The following MNS1 variants were observed in gnomAD, a reference collection of about 807,000 sequenced individuals.
MNS1 encodes the protein meiosis specific nuclear structural 1.
MNS1 carries 63 observed loss-of-function variants against 72.0 expected under a neutral mutation model. The ratio of observed to expected loss-of-function variants is 0.87; its 90% CI spans 0.71 to 1.08. MNS1 has a LOEUF of 1.08. MNS1 is among the 50% of genes least tolerant of loss of function. The pLI, the probability that MNS1 is intolerant of heterozygous loss-of-function variation, is 0.00. For missense variants in MNS1, 604 were observed against 562.4 expected (o/e 1.07, Z -0.75); for synonymous variants, 188 against 172.1 (o/e 1.09, Z -0.72).
chr15:56,430,290 T>C (rs1596248574), intron 9 of MNS1, among the ~76,000 whole-genome samples: 1 of 152,298 alleles, frequency 6.6e-6, no homozygotes, highest in African/African-American at 2.4e-5. Flanking sequence ...CACTGCAGCT[T>C]CAACTTTCCA....
rs542283201 is a variant in MNS1 at position 56,465,025 on chromosome 15, C to T, written c.-53G>A. The T allele has an allele frequency of 1.8e-4, 283 of 1,594,734 alleles. No individual in the cohort carries two copies. Among genetic ancestry groups the T allele is most frequent in the African/African-American group, 4.5e-4 (33 of 73,874 alleles). ...GTGGGACCGCGGCCACCACCTCCCGCCGCAAACGCAGCAGCCAGCAGCCCC... is the reference window on the plus strand; with the variant it reads ...GTGGGACCGCGGCCACCACCTCCCGTCGCAAACGCAGCAGCCAGCAGCCCC... On this transcript the variant is annotated 5_prime_UTR_variant, in exon 1 of 10. Transcript: ENST00000260453.
At chr15:56,430,208 T>C (rs2050541869) in intron 9 of MNS1, 1 of 152,174 alleles carries the variant, frequency 6.6e-6, no homozygotes, top group Admixed American at 6.6e-5. Context: ...ATGAAACTGT[T>C]ATTACTTTTT....
chr15:56,432,318 G>A (rs2050617941), intron 8 of MNS1, among the ~76,000 whole-genome samples: 1 of 152,122 alleles, frequency 6.6e-6, no homozygotes, highest in Admixed American at 6.5e-5. Context: ...ATCCATTTAG[G>A]ACAAATTCTG....
At chr15:56,431,971 TTAAA>T (rs1372809190) in intron 8 of MNS1, among the ~76,000 whole-genome samples, 2 of 152,160 alleles carry the variant, frequency 1.3e-5, no homozygotes, top group African/African-American at 4.8e-5. Flanking sequence ...GTGCTCACTC[TTAAA>T]TAATCACATC....
intron 7 of MNS1, among the ~76,000 whole-genome samples, chr15:56,435,204 A>G (rs900084526): frequency 6.6e-6 from 1 of 152,026 alleles, no homozygotes; most frequent in Admixed American, 6.6e-5. Context: ...TATATATAGC[A>G]CTAAATGCAT....
At chr15:56,463,763 C>A (rs2051038201) in intron 2 of MNS1, 2 of 359,636 alleles carry the variant, frequency 5.6e-6, no homozygotes, top group Non-Finnish European at 9.9e-6. Flanking sequence ...ACCTGGGCGA[C>A]AGAGCAAGAC....
rs142607414 is a variant in MNS1, at chr15:56,455,635, G to A, written c.353+759C>T. Among the ~76,000 whole-genome samples, 239 of 152,240 alleles carry A rather than the reference G, an allele frequency of 1.6e-3. 2 individuals are homozygous for A. The highest frequency in any genetic ancestry group is 0.01 in the Middle Eastern group (3 of 294). ...GAGTTTTGATTAACACTGTGACAAG[G>A]CTGTTCCTAAAAAGTAATTCGATCT... On this transcript the variant is annotated intron_variant, in intron 3 of 9. Transcript: ENST00000260453.
intron 7 of MNS1, among the ~76,000 whole-genome samples, chr15:56,440,899 CTT>C (rs1201549846): frequency 6.6e-6 from 1 of 151,964 alleles, no homozygotes; most frequent in Non-Finnish European, 1.5e-5. Context: ...GTTATTTCTA[CTT>C]TTGGGTTATT....
rs780732819 is a variant in MNS1, at chr15:56,443,633, A to T, written c.903+5T>A. The stretch of plus-strand genomic sequence containing the variant: ...CTAGTGTTAAAGAAGTGGTTATTTT[A>T]ATACCGCATTCTGAAGCTGTAGCCT... On this transcript the variant is annotated splice_donor_5th_base_variant and intron_variant, in intron 6 of 9. Transcript: ENST00000260453. The T allele has an allele frequency of 1.2e-6, 2 of 1,609,536 alleles. No individual in the cohort carries two copies. The highest frequency in any genetic ancestry group is 2.7e-5 in the African/African-American group (2 of 74,636).
chr15:56,439,405 C>T (rs1266759151), intron 7 of MNS1, among the ~76,000 whole-genome samples: 1 of 151,132 alleles, frequency 6.6e-6, no homozygotes, highest in African/African-American at 2.4e-5. Context: ...AGACAAGATT[C>T]TTCAAAAATT....
At position 56,464,012 on chromosome 15, in the gene MNS1, A is replaced by G. The variant is rs1333647622; in HGVS notation, c.225+14T>C. 1 of 1,588,792 alleles carries G rather than the reference A, an allele frequency of 6.3e-7. No homozygotes were observed. The highest frequency in any genetic ancestry group is 8.6e-7 in the Non-Finnish European group (1 of 1,166,432). On this transcript the variant is annotated intron_variant, in intron 2 of 9. Transcript: ENST00000260453. ...AAAATGAAAAAAAAAGTAACAATGAATAGTAAAACTTACCTTTTGAATGGC... is the reference window on the plus strand; with the variant it reads ...AAAATGAAAAAAAAAGTAACAATGAGTAGTAAAACTTACCTTTTGAATGGC...
chr15:56,440,162 A>G (rs189447059), intron 7 of MNS1, among the ~76,000 whole-genome samples: 3 of 152,320 alleles, frequency 2.0e-5, no homozygotes, highest in East Asian at 3.9e-4. Flanking sequence ...AAATAAGCAC[A>G]TGAAAAGATG....
intron 3 of MNS1, among the ~76,000 whole-genome samples, chr15:56,454,240 T>A (rs1370103241): frequency 1.3e-5 from 2 of 152,198 alleles, no homozygotes; most frequent in Non-Finnish European, 2.9e-5. Context: ...CAGTATATAT[T>A]TGTATATATT....
At chr15:56,440,535 C>T (rs2050799475) in intron 7 of MNS1, among the ~76,000 whole-genome samples, 1 of 152,134 alleles carries the variant, frequency 6.6e-6, no homozygotes, top group Non-Finnish European at 1.5e-5. Context: ...ATCAGATTTA[C>T]TCATCAGAGC....
intron 3 of MNS1, 74 bp from the exon 4 acceptor site, chr15:56,447,017 A>G: frequency 1.0e-6 from 1 of 1,003,244 alleles, no homozygotes; most frequent in South Asian, 1.4e-5. Context: ...AAACTGAGTA[A>G]CTGTATTTTT....
At chr15:56,433,014 T>A (rs1385540953) in intron 8 of MNS1, among the ~76,000 whole-genome samples, 1 of 152,160 alleles carries the variant, frequency 6.6e-6, no homozygotes, top group Non-Finnish European at 1.5e-5. Context: ...CATAAATAAG[T>A]CAATGTATCC....
intron 7 of MNS1, 40 bp downstream of exon 7, chr15:56,443,390 C>A: frequency 7.1e-7 from 1 of 1,403,698 alleles, no homozygotes; most frequent in Non-Finnish European, 9.6e-7. Context: ...AAATTATATT[C>A]TTCTCTACAT....
chr15:56,431,402 C>T lies in MNS1; in HGVS notation c.1366G>A (p.Ala456Thr). ...EERLKLLKEH[A>T]TNLLGYLPKG... is the part of the protein sequence containing the mutation. The stretch of plus-strand genomic sequence containing the variant: ...GGGAGATAGCCTAGTAAGTTTGTAG[C>T]ATGCTCTTTAAGAAGTTTTAGCCTT... Residue 456 changes from alanine (A) to threonine (T), a missense_variant, in exon 9 of 10, where the codon GCT becomes ACT. Coordinates refer to ENST00000260453, the MANE Select transcript of MNS1 (RefSeq NM_018365.4). 6.2e-7 allele frequency: 1 copy of T among 1,613,236 alleles called. No individual in the cohort carries two copies. The highest frequency in any genetic ancestry group is 8.5e-7 in the Non-Finnish European group (1 of 1,179,810).
At chr15:56,436,286 C>T (rs1298394113) in intron 7 of MNS1, among the ~76,000 whole-genome samples, 4 of 152,156 alleles carry the variant, frequency 2.6e-5, no homozygotes, top group African/African-American at 9.7e-5. Flanking sequence ...CAAACTAGAA[C>T]TCAGGATTAA....
Sources: allele counts gnomAD v4.1 joint callset (sites outside exome capture counted in the v4.1 genomes callset), GRCh38; gene constraint gnomAD v4.1.1; transcripts MANE v1.5; gene names NCBI Gene and HGNC (gene_info 2026-07-23, HGNC 2026-07-21).